STAG1: variants seen among roughly 807,000 people sequenced by gnomAD.
The protein encoded by STAG1 is STAG1 cohesin complex component.
Under a neutral mutation model 170.9 loss-of-function variants are expected in STAG1, and 26 were observed. The ratio of observed to expected loss-of-function variants is 0.15; its 90% CI spans 0.11 to 0.21. STAG1 has a LOEUF of 0.21. Ranked by LOEUF, STAG1 falls within the 10% of genes least tolerant of loss-of-function variation. STAG1 has a pLI of 1.00. For synonymous variants in STAG1, 514 were observed against 497.7 expected, an observed-to-expected ratio of 1.03 and a Z score of -0.44; for missense variants, 964 against 1,509.5, an observed-to-expected ratio of 0.64 and a Z score of 5.99.
chr3:136,750,128 G>C (rs1935154383), intron 1 of STAG1, among the ~76,000 whole-genome samples: 1 of 152,114 alleles, frequency 6.6e-6, no homozygotes, highest in Non-Finnish European at 1.5e-5. Context: ...GCAATTAAAT[G>C]TGTGTTTTTC....
chr3:136,723,952 G>A (rs1354097211), intron 1 of STAG1, among the ~76,000 whole-genome samples: 3 of 150,106 alleles, frequency 2.0e-5, no homozygotes, highest in Non-Finnish European at 4.5e-5. Context: ...CCCCCGCCAG[G>A]CCAGCCGCCC....
chr3:136,745,980 G>A (rs997791135), intron 1 of STAG1, among the ~76,000 whole-genome samples: 2 of 152,000 alleles, frequency 1.3e-5, no homozygotes, highest in African/African-American at 4.8e-5. Context: ...AAAATCTGAG[G>A]GAAGCAATAA....
chr3:136,704,106 A>C (rs1186397950), intron 1 of STAG1, among the ~76,000 whole-genome samples: 2 of 147,262 alleles, frequency 1.4e-5, no homozygotes, highest in African/African-American at 5.0e-5. Flanking sequence ...GCTGGAGTGC[A>C]GTGGTGCGAT....
chr3:136,732,565 A>G (rs1934102366), intron 1 of STAG1, among the ~76,000 whole-genome samples: 1 of 152,202 alleles, frequency 6.6e-6, no homozygotes, highest in Non-Finnish European at 1.5e-5. Flanking sequence ...GATAACCTTC[A>G]TCTCTCAATT....
intron 1 of STAG1, among the ~76,000 whole-genome samples, chr3:136,704,649 A>G (rs1261487555): frequency 6.6e-6 from 1 of 151,460 alleles, no homozygotes; most frequent in Non-Finnish European, 1.5e-5. Flanking sequence ...GAAACATAAC[A>G]AAACTCCGTC....
intron 12 of STAG1, among the ~76,000 whole-genome samples, chr3:136,468,916 G>T (rs1414488381): frequency 6.6e-6 from 1 of 152,008 alleles, no homozygotes; most frequent in African/African-American, 2.4e-5. Context: ...TGCAGAAAAG[G>T]CCTTTGACAA....
chr3:136,561,446 C>G (rs936801521), intron 5 of STAG1, among the ~76,000 whole-genome samples: 5 of 152,248 alleles, frequency 3.3e-5, no homozygotes, highest in African/African-American at 7.2e-5. Flanking sequence ...TACACCATCA[C>G]AGTGAAATGT....
At chr3:136,630,827 T>C (rs1171231133) in intron 2 of STAG1, 43 bp downstream of exon 2, 1 of 1,407,068 alleles carries the variant, frequency 7.1e-7, no homozygotes, top group Admixed American at 2.3e-5. Flanking sequence ...TTGTCCAAAA[T>C]TTTCCTTAAA....
At chr3:136,427,940 A>C (rs1445663914) in intron 16 of STAG1, among the ~76,000 whole-genome samples, 1 of 152,216 alleles carries the variant, frequency 6.6e-6, no homozygotes, top group Admixed American at 6.5e-5. Flanking sequence ...TTCACTTTAA[A>C]AATGTCAAGA....
At chr3:136,740,428 A>G (rs1334406757) in intron 1 of STAG1, among the ~76,000 whole-genome samples, 4 of 152,192 alleles carry the variant, frequency 2.6e-5, no homozygotes. Flanking sequence ...ACTACCCCAC[A>G]GGGTTATTGT....
intron 1 of STAG1, among the ~76,000 whole-genome samples, chr3:136,660,359 G>GA (rs1329485092): frequency 1.4e-4 from 22 of 151,770 alleles, no homozygotes; most frequent in Middle Eastern, 3.4e-3. Flanking sequence ...CACAATTGAA[G>GA]AAAAAAGATA....
At chr3:136,521,030 T>C (rs1179203450) in intron 7 of STAG1, among the ~76,000 whole-genome samples, 183 bp downstream of exon 7, 5 of 152,090 alleles carry the variant, frequency 3.3e-5, no homozygotes, top group Non-Finnish European at 7.4e-5. Flanking sequence ...AAAATTTCAA[T>C]TTTCATTCTT....
intron 1 of STAG1, among the ~76,000 whole-genome samples, chr3:136,651,835 T>A (rs1374064930): frequency 6.6e-6 from 1 of 152,080 alleles, no homozygotes; most frequent in Non-Finnish European, 1.5e-5. Context: ...TTCCATGACA[T>A]CCTAAGCTCT....
intron 16 of STAG1, among the ~76,000 whole-genome samples, chr3:136,430,441 T>A (rs2088263522): frequency 1.3e-5 from 2 of 152,168 alleles, no homozygotes. Context: ...TATAGTTCCA[T>A]ATCTTTTTCC....
intron 28 of STAG1, among the ~76,000 whole-genome samples, chr3:136,350,746 G>A (rs1392313665): frequency 6.6e-6 from 1 of 152,220 alleles, no homozygotes; most frequent in Non-Finnish European, 1.5e-5. Context: ...GAGGAGTGAG[G>A]AGGAAGGTGG....
At chr3:136,685,379 A>T (rs1356526133) in intron 1 of STAG1, among the ~76,000 whole-genome samples, 1 of 151,330 alleles carries the variant, frequency 6.6e-6, no homozygotes, top group Non-Finnish European at 1.5e-5. Flanking sequence ...AATGAACCCA[A>T]TAATGATGAG....
intron 4 of STAG1, among the ~76,000 whole-genome samples, chr3:136,601,192 T>C (rs1357185740): frequency 1.3e-5 from 2 of 152,072 alleles, no homozygotes; most frequent in Non-Finnish European, 2.9e-5. Flanking sequence ...ACAATAAAAC[T>C]GGAAACAGTT....
intron 5 of STAG1, among the ~76,000 whole-genome samples, chr3:136,568,041 T>C (rs1186417087): frequency 6.6e-6 from 1 of 151,994 alleles, no homozygotes; most frequent in African/African-American, 2.4e-5. Context: ...TCTGTAAATA[T>C]TTGATAAACT....
chr3:136,617,413 T>C (rs749903863), intron 3 of STAG1, among the ~76,000 whole-genome samples: 9 of 152,218 alleles, frequency 5.9e-5, no homozygotes, highest in Non-Finnish European at 1.2e-4. Context: ...AGTCCATATA[T>C]TTTATATCCA....
Sources: gnomAD v4.1 joint callset for allele counts (sites outside exome capture counted in the v4.1 genomes callset) on GRCh38, gnomAD v4.1.1 for gene constraint, MANE v1.5 for transcripts, NCBI Gene and HGNC (gene_info 2026-07-23, HGNC 2026-07-21) for gene names.